Variants in FOXO1 observed in about 807,000 individuals in gnomAD.
The protein encoded by FOXO1 is forkhead box O1, also known as forkhead box protein O1.
A neutral mutation model predicts 44.1 loss-of-function variants in FOXO1; 6 were observed. That is an observed-to-expected ratio of 0.14 (90% CI 0.07 to 0.27). FOXO1 has a LOEUF of 0.27. Ranked by LOEUF, FOXO1 falls within the 10% of genes least tolerant of loss-of-function variation. FOXO1 has a pLI of 1.00. For missense variants in FOXO1, 737 were observed against 888.8 expected (o/e 0.83, Z 2.17); for synonymous variants, 380 against 362.7 (o/e 1.05, Z -0.54).
At chr13:40,587,527 A>G (rs574904197) in intron 1 of FOXO1, among the ~76,000 whole-genome samples, 1 of 152,318 alleles carries the variant, frequency 6.6e-6, no homozygotes, top group African/African-American at 2.4e-5. Context: ...GGAGTCAAAT[A>G]AAAACTTATT....
intron 1 of FOXO1, among the ~76,000 whole-genome samples, chr13:40,568,553 CT>C (rs879379627): frequency 6.6e-6 from 1 of 152,118 alleles, no homozygotes. Flanking sequence ...TTTGCCAACC[CT>C]TTTTTTACAA....
At chr13:40,614,608 T>C (rs1876349487) in intron 1 of FOXO1, among the ~76,000 whole-genome samples, 1 of 152,232 alleles carries the variant, frequency 6.6e-6, no homozygotes, top group African/African-American at 2.4e-5. Flanking sequence ...GAAGATCTCT[T>C]GGCCCTGCAG....
chr13:40,614,344 C>A (rs1375398812), intron 1 of FOXO1, among the ~76,000 whole-genome samples: 1 of 152,184 alleles, frequency 6.6e-6, no homozygotes, highest in African/African-American at 2.4e-5. Context: ...AAGAGCACTG[C>A]AGGGAATAGG....
At chr13:40,568,673 A>T (rs1324357994) in intron 1 of FOXO1, among the ~76,000 whole-genome samples, 1 of 152,090 alleles carries the variant, frequency 6.6e-6, no homozygotes, top group East Asian at 1.9e-4. Flanking sequence ...TACACCCTAG[A>T]TCCTTCCATA....
At chr13:40,569,407 C>T (rs546834205) in intron 1 of FOXO1, among the ~76,000 whole-genome samples, 83 of 152,268 alleles carry the variant, frequency 5.5e-4, no homozygotes, top group Admixed American at 1.3e-3. Flanking sequence ...TGGTGCATCA[C>T]CTGACACAAT....
At chr13:40,594,275 G>T (rs1485691605) in intron 1 of FOXO1, among the ~76,000 whole-genome samples, 1 of 152,128 alleles carries the variant, frequency 6.6e-6, no homozygotes, top group African/African-American at 2.4e-5. Flanking sequence ...GCCAATGGGG[G>T]CAGCGGGAGC....
At chr13:40,585,821 G>A (rs1875143022) in intron 1 of FOXO1, among the ~76,000 whole-genome samples, 1 of 152,176 alleles carries the variant, frequency 6.6e-6, no homozygotes. Context: ...ATCCTAGCTA[G>A]TCTGTGCCAG....
At chr13:40,603,438 T>A (rs1566072896) in intron 1 of FOXO1, among the ~76,000 whole-genome samples, 1 of 151,838 alleles carries the variant, frequency 6.6e-6, no homozygotes, top group East Asian at 1.9e-4. Flanking sequence ...TATGTATACC[T>A]TATATATGTG....
At chr13:40,623,645 A>G (rs1876690457) in intron 1 of FOXO1, among the ~76,000 whole-genome samples, 1 of 152,308 alleles carries the variant, frequency 6.6e-6, no homozygotes, top group African/African-American at 2.4e-5. Flanking sequence ...CAAATGTACA[A>G]TTTCCAGATC....
At chr13:40,627,021 A>C (rs963308703) in intron 1 of FOXO1, among the ~76,000 whole-genome samples, 1 of 152,210 alleles carries the variant, frequency 6.6e-6, no homozygotes, top group African/African-American at 2.4e-5. Context: ...GCCCTTTCCC[A>C]GTTTTATCTT....
At chr13:40,663,851 G>A (rs1032442965) in intron 1 of FOXO1, among the ~76,000 whole-genome samples, 21 of 152,214 alleles carry the variant, frequency 1.4e-4, no homozygotes, top group Admixed American at 1.0e-3. Context: ...TAACCCTTTT[G>A]ACACGCATTA....
At chr13:40,575,319 T>G (rs1307810233) in intron 1 of FOXO1, among the ~76,000 whole-genome samples, 1 of 151,872 alleles carries the variant, frequency 6.6e-6, no homozygotes, top group Admixed American at 6.6e-5. Context: ...CTAGCCTGGG[T>G]GACAAAAATA....
At chr13:40,579,333 G>A (rs764352522) in intron 1 of FOXO1, among the ~76,000 whole-genome samples, 6 of 152,138 alleles carry the variant, frequency 3.9e-5, no homozygotes, top group Non-Finnish European at 7.3e-5. Context: ...ATGGATGAAG[G>A]AGGAGACCAG....
intron 1 of FOXO1, among the ~76,000 whole-genome samples, chr13:40,604,111 G>A (rs1875911532): frequency 6.6e-6 from 1 of 151,848 alleles, no homozygotes; most frequent in South Asian, 2.1e-4. Context: ...GAAAACTACA[G>A]AGTGGCTTTT....
chr13:40,646,804 G>C (rs1241413740), intron 1 of FOXO1, among the ~76,000 whole-genome samples: 1 of 152,010 alleles, frequency 6.6e-6, no homozygotes, highest in East Asian at 1.9e-4. Context: ...ATGTCGGCCA[G>C]GGTGGTCTCG....
chr13:40,662,382 C>CT (rs1555253898), intron 1 of FOXO1, among the ~76,000 whole-genome samples: 1 of 151,936 alleles, frequency 6.6e-6, no homozygotes, highest in Non-Finnish European at 1.5e-5. Flanking sequence ...ACTTCCCAAG[C>CT]TTTAGAAGGC....
intron 1 of FOXO1, among the ~76,000 whole-genome samples, chr13:40,589,844 C>G (rs2137863326): frequency 6.6e-6 from 1 of 152,286 alleles, no homozygotes; most frequent in African/African-American, 2.4e-5. Context: ...ACAGGAAGAG[C>G]TGTCAGACTT....
At chr13:40,579,747 C>T (rs914971833) in intron 1 of FOXO1, among the ~76,000 whole-genome samples, 1 of 152,142 alleles carries the variant, frequency 6.6e-6, no homozygotes, top group African/African-American at 2.4e-5. Context: ...TCTAGGGTCA[C>T]CACAATAGAG....
chr13:40,568,761 C>G (rs904325899), intron 1 of FOXO1, among the ~76,000 whole-genome samples: 1 of 152,256 alleles, frequency 6.6e-6, no homozygotes. Flanking sequence ...ACTGCTACCC[C>G]CACTGTGCAG....
Sources: gnomAD v4.1 joint callset for allele counts (sites outside exome capture counted in the v4.1 genomes callset) on GRCh38, gnomAD v4.1.1 for gene constraint, MANE v1.5 for transcripts, NCBI Gene and HGNC (gene_info 2026-07-23, HGNC 2026-07-21) for gene names.